PIBF1: variants seen among roughly 807,000 people sequenced by gnomAD.
PIBF1 encodes progesterone-induced-blocking factor 1.
In PIBF1, 90 loss-of-function variants were observed where a neutral mutation model predicts 112.5. The ratio of observed to expected loss-of-function variants is 0.80; its 90% CI spans 0.67 to 0.95. PIBF1 has a LOEUF of 0.95. PIBF1 is among the 40% of genes least tolerant of loss of function. The probability of loss-of-function intolerance (pLI) is 0.00; values close to 1 mark genes in which losing one functional copy is unlikely to be tolerated. For synonymous variants in PIBF1, 301 were observed against 288.6 expected (o/e 1.04, Z -0.44); for missense variants, 915 against 852.3 (o/e 1.07, Z -0.92).
intron 13 of PIBF1, among the ~76,000 whole-genome samples, chr13:72,924,557 A>G (rs1261057286): frequency 6.6e-6 from 1 of 152,130 alleles, no homozygotes; most frequent in East Asian, 1.9e-4. Flanking sequence ...CACAGCCTCT[A>G]CAAAAATTTT....
Position 72,835,341 on chromosome 13 carries a change from C to A in PIBF1, c.1196C>A (p.Ser399Tyr). The change falls in exon 9 of 18, where the codon TCT becomes TAT. Residue 399 changes from serine to tyrosine, a missense_variant. Coordinates refer to ENST00000326291, the MANE Select transcript of PIBF1 (RefSeq NM_006346.4). ...GAAATTGATCAACTTCGAAATGCCT[C>A]TAGGGAAATGTATGAACGAGAAAAC... ...NQEIDQLRNA[S>Y]REMYERENRN... The A allele has an allele frequency of 6.3e-7, 1 of 1,582,708 alleles. No individual in the cohort carries two copies. The highest frequency in any genetic ancestry group is 8.6e-7 in the Non-Finnish European group (1 of 1,167,910).
rs186987521 is a variant in PIBF1, at chr13:72,839,866, C to T, written c.1223+4498C>T. Among the ~76,000 whole-genome samples, 176 of 152,224 alleles carry T rather than the reference C, an allele frequency of 1.2e-3. 1 individual carries two copies. The highest frequency in any genetic ancestry group is 3.9e-3 in the African/African-American group (164 of 41,558). On this transcript the variant is annotated intron_variant, in intron 9 of 17. Coordinates refer to ENST00000326291, the MANE Select transcript of PIBF1 (RefSeq NM_006346.4). Reference sequence around the variant, plus strand: ...AAGTAGGAAAACTGAAAGCAGATGTCCTTGTCTCCTTGTCTCCAGTGTTCT... The same window carrying T: ...AAGTAGGAAAACTGAAAGCAGATGTTCTTGTCTCCTTGTCTCCAGTGTTCT...
At chr13:72,925,807 G>T (rs1333939634) in intron 13 of PIBF1, among the ~76,000 whole-genome samples, 1 of 152,016 alleles carries the variant, frequency 6.6e-6, no homozygotes, top group African/African-American at 2.4e-5. Flanking sequence ...CTCCCAAAGT[G>T]CTGGGATTAT....
intron 14 of PIBF1, among the ~76,000 whole-genome samples, chr13:72,931,507 A>C (rs1410788670): frequency 6.6e-6 from 1 of 152,014 alleles, no homozygotes; most frequent in Non-Finnish European, 1.5e-5. Context: ...AGACAGACAG[A>C]GCTTTGATTT....
At chr13:72,851,619 G>T (rs964066195) in intron 9 of PIBF1, among the ~76,000 whole-genome samples, 1 of 152,238 alleles carries the variant, frequency 6.6e-6, no homozygotes, top group Middle Eastern at 3.2e-3. Context: ...GGCGGAAAGG[G>T]GTGGGTCCCT....
chr13:72,966,400 T>C (rs760653345), intron 15 of PIBF1, among the ~76,000 whole-genome samples: 4 of 152,190 alleles, frequency 2.6e-5, no homozygotes, highest in Non-Finnish European at 5.9e-5. Context: ...ACCTTAAATG[T>C]GTCAAAATAA....
chr13:72,986,982 C>T (rs187796061), intron 16 of PIBF1, among the ~76,000 whole-genome samples: 2 of 152,242 alleles, frequency 1.3e-5, no homozygotes, highest in Admixed American at 6.5e-5. Flanking sequence ...TGAGCCACCG[C>T]GCCCGGCCTC....
chr13:72,980,843 G>T (rs2138966604), intron 16 of PIBF1, among the ~76,000 whole-genome samples: 1 of 151,880 alleles, frequency 6.6e-6, no homozygotes. Flanking sequence ...TGCTAAAGCA[G>T]TTTCAATGGA....
chr13:72,877,771 CAG>C (rs2039468298), intron 10 of PIBF1, among the ~76,000 whole-genome samples: 1 of 145,840 alleles, frequency 6.9e-6, no homozygotes, highest in Non-Finnish European at 1.5e-5. Context: ...TTTTTTGAGA[CAG>C]AGTTTTGCTC....
chr13:72,924,761 C>G (rs953247228), intron 13 of PIBF1, among the ~76,000 whole-genome samples: 6 of 152,002 alleles, frequency 3.9e-5, no homozygotes, highest in African/African-American at 1.4e-4. Context: ...CTGATAAGCT[C>G]TACAGTTAGA....
intron 16 of PIBF1, among the ~76,000 whole-genome samples, chr13:72,990,852 A>AAATT (rs985441073): frequency 1.8e-4 from 27 of 152,336 alleles, no homozygotes; most frequent in African/African-American, 5.5e-4. Context: ...CATCTCAAAT[A>AAATT]AATTAATTAA....
At chr13:72,951,910 C>G (rs975074942) in intron 14 of PIBF1, among the ~76,000 whole-genome samples, 2 of 152,074 alleles carry the variant, frequency 1.3e-5, no homozygotes, top group South Asian at 2.1e-4. Context: ...CCATATTGGC[C>G]AGGCTGGTCT....
chr13:72,970,229 C>T (rs1193306806), intron 15 of PIBF1, among the ~76,000 whole-genome samples: 2 of 152,056 alleles, frequency 1.3e-5, no homozygotes, highest in Non-Finnish European at 2.9e-5. Flanking sequence ...TAAAAGCTAA[C>T]ATTTGAGATG....
At chr13:72,921,171 C>T (rs1329791541) in intron 13 of PIBF1, among the ~76,000 whole-genome samples, 2 of 151,996 alleles carry the variant, frequency 1.3e-5, no homozygotes, top group Admixed American at 6.6e-5. Context: ...GGCATGATCT[C>T]GGCTCACTAT....
At chr13:72,886,339 C>T (rs1431415110) in intron 10 of PIBF1, among the ~76,000 whole-genome samples, 3 of 151,402 alleles carry the variant, frequency 2.0e-5, no homozygotes, top group African/African-American at 4.9e-5. Flanking sequence ...ACTCTTGGTT[C>T]GGAGGATAAT....
intron 10 of PIBF1, among the ~76,000 whole-genome samples, chr13:72,873,055 A>G (rs1242019665): frequency 6.6e-6 from 1 of 152,206 alleles, no homozygotes; most frequent in African/African-American, 2.4e-5. Flanking sequence ...ATTCTGATCA[A>G]AAACTCAGCA....
At chr13:73,010,844 A>C (rs1229255510) in intron 17 of PIBF1, among the ~76,000 whole-genome samples, 2 of 35,990 alleles carry the variant, frequency 5.6e-5, no homozygotes, top group Non-Finnish European at 1.0e-4. Flanking sequence ...TTTTTTTGAG[A>C]CAGAGTTTTT....
chr13:72,942,440 T>C, intron 14 of PIBF1, among the ~76,000 whole-genome samples: 1 of 152,292 alleles, frequency 6.6e-6, no homozygotes, highest in Non-Finnish European at 1.5e-5. Context: ...CAACTCTGTT[T>C]CTGTGTTTTT....
In PIBF1 at chr13:72,797,967, AAG is replaced by A; in HGVS notation, c.615_616del (p.Asn206TyrfsTer21). On this transcript the variant is annotated frameshift_variant, in exon 5 of 18. Coordinates refer to ENST00000326291, the MANE Select transcript of PIBF1 (RefSeq NM_006346.4). LOFTEE classifies it high-confidence loss of function. Reference sequence around the variant, plus strand: ...GGAAATCTGTGAACTACAAGTGAAAAAGAATATCCTAGCAGAAGAATTAAGTA... The same window carrying A: ...GGAAATCTGTGAACTACAAGTGAAAAAATATCCTAGCAGAAGAATTAAGTA... The part of the protein sequence containing the change: ...RKEICELQVK[K>X]NILAEELSTN... The A allele has an allele frequency of 6.2e-7, 1 of 1,611,110 alleles. No individual in the cohort carries two copies. The highest frequency in any genetic ancestry group is 8.5e-7 in the Non-Finnish European group (1 of 1,178,716).
Sources: allele counts gnomAD v4.1 joint callset (sites outside exome capture counted in the v4.1 genomes callset), GRCh38; gene constraint gnomAD v4.1.1; transcripts MANE v1.5; gene names NCBI Gene and HGNC (gene_info 2026-07-23, HGNC 2026-07-21).